The following MAML2 variants were observed in gnomAD, a reference collection of about 807,000 sequenced individuals.
MAML2 encodes the protein mastermind-like protein 2.
A neutral mutation model predicts 96.1 loss-of-function variants in MAML2; 22 were observed. That is an observed-to-expected ratio of 0.23 (90% confidence interval 0.16 to 0.33). The LOEUF is 0.33. Among genes scored for constraint, MAML2 ranks in the 10% least tolerant of loss-of-function variants. MAML2 has a pLI of 1.00. For synonymous variants in MAML2, 561 were observed against 521.3 expected (o/e 1.08, Z -1.04); for missense variants, 1,367 against 1,392.4 (o/e 0.98, Z 0.29).
At chr11:96,047,119 C>A (rs1458234207) in intron 2 of MAML2, among the ~76,000 whole-genome samples, 1 of 152,150 alleles carries the variant, frequency 6.6e-6, no homozygotes, top group Non-Finnish European at 1.5e-5. Flanking sequence ...TTGTTCCTGG[C>A]CACTCAGTTT....
chr11:96,113,809 T>C (rs372770620), intron 1 of MAML2, among the ~76,000 whole-genome samples: 5 of 152,270 alleles, frequency 3.3e-5, no homozygotes, highest in East Asian at 3.9e-4. Flanking sequence ...TAAGCTCTAC[T>C]GAGGCCTTGA....
intron 1 of MAML2, among the ~76,000 whole-genome samples, chr11:96,101,942 T>C (rs1017591806): frequency 6.6e-6 from 1 of 152,248 alleles, no homozygotes; most frequent in African/African-American, 2.4e-5. Context: ...GCAAGAACCA[T>C]GTAGCTAAAG....
At chr11:96,127,608 T>C (rs895243922) in intron 1 of MAML2, among the ~76,000 whole-genome samples, 8 of 152,240 alleles carry the variant, frequency 5.3e-5, no homozygotes, top group African/African-American at 1.9e-4. Context: ...TGACCAGCCA[T>C]TTCTATGGGG....
intron 2 of MAML2, among the ~76,000 whole-genome samples, chr11:95,998,827 G>GA (rs1313286334): frequency 6.6e-6 from 1 of 152,056 alleles, no homozygotes; most frequent in Admixed American, 6.6e-5. Context: ...TTAACTTATG[G>GA]AAAAAAATCT....
intron 2 of MAML2, among the ~76,000 whole-genome samples, chr11:96,037,833 T>C (rs1481074552): frequency 2.0e-5 from 3 of 152,178 alleles, no homozygotes; most frequent in Admixed American, 6.5e-5. Context: ...TCAAGGCTCA[T>C]AAACTTGCCT....
chr11:96,311,729 T>C (rs12287338), intron 1 of MAML2, among the ~76,000 whole-genome samples: 4,813 of 152,314 alleles, frequency 0.032, 247 homozygotes, highest in African/African-American at 0.11. Flanking sequence ...AATACCTCTA[T>C]GATGGTTAAG....
At chr11:96,233,385 T>C (rs1204319483) in intron 1 of MAML2, among the ~76,000 whole-genome samples, 3 of 140,980 alleles carry the variant, frequency 2.1e-5, no homozygotes, top group Non-Finnish European at 4.5e-5. Context: ...TCATGTGTTT[T>C]CCCTACTCTT....
intron 2 of MAML2, among the ~76,000 whole-genome samples, chr11:96,015,139 A>G (rs1940201): frequency 0.27 from 41,421 of 152,092 alleles, 5,881 homozygotes; most frequent in South Asian, 0.42. Flanking sequence ...GAGCCCTGCC[A>G]TAATATCCGA....
intron 1 of MAML2, among the ~76,000 whole-genome samples, chr11:96,336,304 A>C (rs1219476150): frequency 2.0e-5 from 3 of 152,168 alleles, no homozygotes; most frequent in African/African-American, 7.2e-5. Flanking sequence ...AGCCTTGTAC[A>C]TTCTAGGACT....
chr11:96,086,088 A>G (rs1859607455), intron 2 of MAML2, among the ~76,000 whole-genome samples: 1 of 152,230 alleles, frequency 6.6e-6, no homozygotes, highest in Non-Finnish European at 1.5e-5. Flanking sequence ...ACGTAATGTA[A>G]TTACTCAATG....
intron 2 of MAML2, among the ~76,000 whole-genome samples, chr11:96,067,955 T>C (rs1001970748): frequency 1.3e-5 from 2 of 152,178 alleles, no homozygotes; most frequent in Non-Finnish European, 2.9e-5. Flanking sequence ...GAATCAAACA[T>C]GTTTATAAAT....
In MAML2 at chr11:96,274,547, T is replaced by C. The variant is rs181049186; in HGVS notation, c.513+66836A>G. 3.3e-5 allele frequency among the ~76,000 whole-genome samples: 5 copies of C among 152,326 alleles called. No individual in the cohort carries two copies. The East Asian group carries it at 9.6e-4, about 29-fold the overall frequency. On this transcript the variant is annotated intron_variant, in intron 1 of 4. Transcript: ENST00000524717. ...TTATTCCTTATGAATTATGTAGTTA[T>C]TTCTATTATGAAAACTTTAAAAACC...
intron 1 of MAML2, among the ~76,000 whole-genome samples, chr11:96,184,247 C>A (rs935066189): frequency 5.3e-5 from 8 of 152,146 alleles, no homozygotes; most frequent in African/African-American, 1.9e-4. Context: ...TCGAGACCAG[C>A]CTGACCATCA....
At chr11:96,015,584 A>G (rs11021390) in intron 2 of MAML2, among the ~76,000 whole-genome samples, 2,796 of 55,172 alleles carry the variant, frequency 0.051, 109 homozygotes, top group African/African-American at 0.12. Context: ...AAAAAAAAAA[A>G]GGGGGGGGGG....
intron 1 of MAML2, among the ~76,000 whole-genome samples, chr11:96,284,561 A>G (rs1203120677): frequency 6.6e-6 from 1 of 152,202 alleles, no homozygotes; most frequent in South Asian, 2.1e-4. Flanking sequence ...TATGATTGCA[A>G]TACTGGGTTT....
At chr11:96,022,396 A>G (rs1417390991) in intron 2 of MAML2, among the ~76,000 whole-genome samples, 1 of 152,220 alleles carries the variant, frequency 6.6e-6, no homozygotes, top group Admixed American at 6.5e-5. Flanking sequence ...ATCCAGAGAC[A>G]TAACAGATGG....
chr11:95,987,589 T>A (rs1857847423), intron 3 of MAML2, among the ~76,000 whole-genome samples: 1 of 152,308 alleles, frequency 6.6e-6, no homozygotes, highest in South Asian at 2.1e-4. Flanking sequence ...GGAAAACAAA[T>A]GTGCACTGCC....
At chr11:96,072,522 T>C (rs1162905331) in intron 2 of MAML2, among the ~76,000 whole-genome samples, 1 of 152,204 alleles carries the variant, frequency 6.6e-6, no homozygotes, top group Non-Finnish European at 1.5e-5. Flanking sequence ...TCACACCACC[T>C]CTGATATTCT....
chr11:96,292,050 T>A (rs1426299681), intron 1 of MAML2, among the ~76,000 whole-genome samples: 2 of 152,236 alleles, frequency 1.3e-5, no homozygotes, highest in African/African-American at 4.8e-5. Flanking sequence ...GTCTCATAAC[T>A]TAGCAAATGC....
Sources: allele counts gnomAD v4.1 joint callset (sites outside exome capture counted in the v4.1 genomes callset), GRCh38; gene constraint gnomAD v4.1.1; transcripts MANE v1.5; gene names NCBI Gene and HGNC (gene_info 2026-07-23, HGNC 2026-07-21).